LARGE1: variants seen among roughly 807,000 people sequenced by gnomAD.
LARGE1 encodes xylosyl- and glucuronyltransferase LARGE1.
LARGE1 carries 43 observed loss-of-function variants against 87.6 expected under a neutral mutation model. That is an observed-to-expected ratio of 0.49 (90% CI 0.38 to 0.63). The LOEUF (loss-of-function observed/expected upper bound fraction) is 0.63. LARGE1 is among the 30% of genes least tolerant of loss of function. LARGE1 has a pLI of 0.00. For missense variants in LARGE1, 802 were observed against 1,000.2 expected (o/e 0.80, Z 2.67); for synonymous variants, 434 against 394.6 (o/e 1.10, Z -1.18).
At position 33,274,489 on chromosome 22, in the gene LARGE1, C is replaced by T. The variant is rs267606234; in HGVS notation, c.2209G>A (p.Asp737Asn). The T allele has an allele frequency of 2.5e-6, 4 of 1,613,976 alleles. No homozygotes were observed. Among genetic ancestry groups the T allele is most frequent in the Non-Finnish European group, 3.4e-6 (4 of 1,180,018 alleles). ...GCAAAGCCGTAGCGGCGGGACATGTCCTGCTGAAACTCTTCCTTGAGGGTT... is the reference window on the plus strand; with the variant it reads ...GCAAAGCCGTAGCGGCGGGACATGTTCTGCTGAAACTCTTCCTTGAGGGTT... ...LKTLKEEFQQ[D>N]MSRRYGFAAL... Residue 737 changes from aspartate to asparagine, a missense_variant, in exon 15 of 15, where the codon GAC (aspartate) becomes AAC (asparagine). Coordinates refer to ENST00000397394, the MANE Select transcript of LARGE1 (RefSeq NM_133642.5).
chr22:33,337,864 G>A, intron 9 of LARGE1, 63 bp from the exon 10 acceptor site: 5 of 1,545,162 alleles, frequency 3.2e-6, no homozygotes, highest in East Asian at 2.3e-5. Flanking sequence ...CCTCACACCT[G>A]TAGGAAGCCA....
intron 6 of LARGE1, among the ~76,000 whole-genome samples, chr22:33,512,752 G>C (rs988307676): frequency 3.3e-5 from 5 of 152,162 alleles, no homozygotes; most frequent in African/African-American, 4.8e-5. Flanking sequence ...GCAGTGAGCA[G>C]AGATTACACC....
chr22:33,319,399 C>G (rs1363336035), intron 10 of LARGE1, among the ~76,000 whole-genome samples: 1 of 152,026 alleles, frequency 6.6e-6, no homozygotes, highest in Non-Finnish European at 1.5e-5. Context: ...TCAATAAATA[C>G]TACTTATTTT....
chr22:33,471,718 G>A (rs1189321964), intron 6 of LARGE1, among the ~76,000 whole-genome samples: 1 of 152,128 alleles, frequency 6.6e-6, no homozygotes, highest in African/African-American at 2.4e-5. Flanking sequence ...AAAGCACTGG[G>A]CTGATCTTAT....
intron 6 of LARGE1, among the ~76,000 whole-genome samples, chr22:33,503,220 G>A (rs2070567722): frequency 6.6e-6 from 1 of 151,602 alleles, no homozygotes; most frequent in African/African-American, 2.4e-5. Flanking sequence ...CAGTTGCCTT[G>A]GAAAATGGTT....
At chr22:33,843,575 C>T (rs2063344243) in intron 1 of LARGE1, among the ~76,000 whole-genome samples, 1 of 151,870 alleles carries the variant, frequency 6.6e-6, no homozygotes, top group African/African-American at 2.4e-5. Flanking sequence ...GCACTCAAAC[C>T]CTCTAGCAGT....
intron 2 of LARGE1, among the ~76,000 whole-genome samples, chr22:33,693,557 G>A (rs893646954): frequency 4.6e-5 from 7 of 152,204 alleles, no homozygotes; most frequent in Non-Finnish European, 1.0e-4. Context: ...CTGGGGCGGT[G>A]GCTCACGCCT....
intron 7 of LARGE1, among the ~76,000 whole-genome samples, chr22:33,416,862 C>T (rs62225290): frequency 0.05 from 7,419 of 148,938 alleles, 220 homozygotes; most frequent in African/African-American, 0.086. Context: ...AGGCCTTGGC[C>T]TCCCAAAGTG....
intron 2 of LARGE1, among the ~76,000 whole-genome samples, chr22:33,660,078 GTGTGTGTGTGTGTT>G (rs2081076342): frequency 8.6e-6 from 1 of 115,790 alleles, no homozygotes; most frequent in African/African-American, 4.2e-5. Context: ...TGTTGTGTGT[GTGTGTGTGTGTGTT>G]TTTTTTTTTT....
intron 6 of LARGE1, among the ~76,000 whole-genome samples, chr22:33,465,741 A>T (rs2068580824): frequency 6.6e-6 from 1 of 152,184 alleles, no homozygotes; most frequent in African/African-American, 2.4e-5. Context: ...TGCACTGCTG[A>T]TGTGCCAAGA....
chr22:33,797,650 G>A (rs965493753), intron 1 of LARGE1, among the ~76,000 whole-genome samples: 3 of 152,194 alleles, frequency 2.0e-5, no homozygotes, highest in Non-Finnish European at 4.4e-5. Context: ...TGCCTCTGGA[G>A]TTCTCAGTTA....
chr22:33,524,700 C>G (rs2071794929), intron 6 of LARGE1, among the ~76,000 whole-genome samples: 1 of 151,278 alleles, frequency 6.6e-6, no homozygotes, highest in South Asian at 2.1e-4. Flanking sequence ...GTGAGAAAAC[C>G]ACGTCACTCT....
At chr22:33,384,558 T>G (rs1198700486) in intron 7 of LARGE1, among the ~76,000 whole-genome samples, 1 of 136,930 alleles carries the variant, frequency 7.3e-6, no homozygotes, top group South Asian at 2.9e-4. Context: ...ATAGGAGACA[T>G]GAAACCATCT....
At chr22:33,837,256 A>C (rs2063135373) in intron 1 of LARGE1, among the ~76,000 whole-genome samples, 1 of 86,104 alleles carries the variant, frequency 1.2e-5, no homozygotes, top group South Asian at 3.4e-4. Context: ...AGTATTACAT[A>C]TACACACACA....
rs565473728 is a variant in LARGE1, at chr22:33,505,550, T to A, written c.787+59298A>T. Among the ~76,000 whole-genome samples, 5 of 152,284 alleles carry A rather than the reference T, an allele frequency of 3.3e-5. No homozygotes were observed. In the East Asian group the frequency reaches 9.7e-4, roughly 29 times the overall value. The stretch of plus-strand genomic sequence containing the variant: ...GGTGATGCTGGGAAGAGAGATTTAT[T>A]CTGCATGGTGAGGGGTAAAACCCAG... On this transcript the variant is annotated intron_variant, in intron 6 of 14. Coordinates refer to ENST00000397394, the MANE Select transcript of LARGE1 (RefSeq NM_133642.5).
At chr22:33,132,929 T>C in the LARGE1 span, among the ~76,000 whole-genome samples, 3 of 152,352 alleles carry the variant, frequency 2.0e-5, no homozygotes, top group South Asian at 4.1e-4. Flanking sequence ...TCCTGGGACA[T>C]TTAGGGCAAG....
chr22:33,672,190 A>G (rs2081436600), intron 2 of LARGE1, among the ~76,000 whole-genome samples: 2 of 152,206 alleles, frequency 1.3e-5, no homozygotes, highest in South Asian at 4.1e-4. Flanking sequence ...ACAGAAGAGG[A>G]GACAGGTACC....
At chr22:33,561,513 T>G (rs1351627135) in intron 6 of LARGE1, among the ~76,000 whole-genome samples, 1 of 152,182 alleles carries the variant, frequency 6.6e-6, no homozygotes, top group Non-Finnish European at 1.5e-5. Flanking sequence ...CCCTGAATGT[T>G]CTGTTAGGAC....
At chr22:33,333,142 G>A (rs1233936739) in intron 10 of LARGE1, among the ~76,000 whole-genome samples, 1 of 151,884 alleles carries the variant, frequency 6.6e-6, no homozygotes, top group Non-Finnish European at 1.5e-5. Flanking sequence ...GAGTAGCTGG[G>A]ACTACAGGCG....
Sources: allele counts gnomAD v4.1 joint callset (sites outside exome capture counted in the v4.1 genomes callset), GRCh38; gene constraint gnomAD v4.1.1; transcripts MANE v1.5; gene names NCBI Gene and HGNC (gene_info 2026-07-23, HGNC 2026-07-21).